The following ZBTB46 variants were observed in gnomAD, a reference collection of about 807,000 sequenced individuals.
ZBTB46 encodes the protein zinc finger and BTB domain containing 46, also known as zinc finger and BTB domain-containing protein 46.
In ZBTB46, 8 loss-of-function variants were observed where a neutral mutation model predicts 44.1. That is an observed-to-expected ratio of 0.18 (90% CI 0.11 to 0.33). ZBTB46 has a LOEUF of 0.33. ZBTB46 is among the 10% of genes least tolerant of loss of function. ZBTB46 has a pLI of 1.00. For missense variants in ZBTB46, 651 were observed against 847.7 expected (o/e 0.77, Z 2.88); for synonymous variants, 409 against 382.3 (o/e 1.07, Z -0.81).
At chr20:63,789,030 TG>T (rs922507314) in intron 2 of ZBTB46, among the ~76,000 whole-genome samples, 1 of 151,152 alleles carries the variant, frequency 6.6e-6, no homozygotes, top group African/African-American at 2.4e-5. Flanking sequence ...TTGGTCAGGC[TG>T]GTCTTGAACT....
In ZBTB46 at chr20:63,808,741, G is replaced by A. The variant is rs113238218; in HGVS notation, c.-33-17951C>T. ...TGTAATCCCAGCACTTTGGGAGGCC[G>A]AGGCGGGCGGATGGTGAGGTCAGGA... On this transcript the variant is annotated intron_variant, in intron 1 of 4. Coordinates refer to ENST00000245663, the MANE Select transcript of ZBTB46 (RefSeq NM_001369741.1). Among the ~76,000 whole-genome samples, 485 of 152,212 alleles carry A rather than the reference G, an allele frequency of 3.2e-3. 4 individuals carry two copies. Among genetic ancestry groups the A allele is most frequent in the African/African-American group, 0.011 (468 of 41,558 alleles).
In ZBTB46 at chr20:63,803,272, T is replaced by C; in HGVS notation, c.-33-12482A>G. The C allele has an allele frequency of 1.6e-5, 16 of 979,232 alleles. No homozygotes were observed. Among genetic ancestry groups the C allele is most frequent in the Non-Finnish European group, 1.9e-5 (16 of 824,338 alleles). 60.7% of individuals were successfully genotyped at this position (979,232 alleles called of 1,614,324 possible). A position where few individuals can be genotyped will look rare whatever the true frequency, so the allele number is the denominator to read the frequency against. On this transcript the variant is annotated intron_variant, in intron 1 of 4. Transcript: ENST00000245663. The surrounding 1 kb of genome is among the most constrained non-coding windows in gnomAD (Gnocchi z 4.0). Reference sequence around the variant, plus strand: ...CATGGTTTACCTTCTTCTGAAAAAATTAAGGTTAAGACATGAATACTGTGA... The same window carrying C: ...CATGGTTTACCTTCTTCTGAAAAAACTAAGGTTAAGACATGAATACTGTGA...
chr20:63,750,304 G>T (rs1230528004), intron 4 of ZBTB46, among the ~76,000 whole-genome samples: 2 of 152,152 alleles, frequency 1.3e-5, no homozygotes, highest in Admixed American at 1.3e-4. Context: ...GAGTGCAGTG[G>T]TGCAATCACA....
At chr20:63,800,256 G>A (rs2092633308) in intron 1 of ZBTB46, among the ~76,000 whole-genome samples, 1 of 152,236 alleles carries the variant, frequency 6.6e-6, no homozygotes, top group Non-Finnish European at 1.5e-5. Context: ...ACCAAGGAAA[G>A]CGTGTGATTC....
At chr20:63,753,244 T>C (rs1021959329) in intron 3 of ZBTB46, among the ~76,000 whole-genome samples, 1 of 152,174 alleles carries the variant, frequency 6.6e-6, no homozygotes. Flanking sequence ...TAGCAGGCCC[T>C]GGGCGTGGTG....
At chr20:63,759,253 G>T (rs570423063) in intron 3 of ZBTB46, among the ~76,000 whole-genome samples, 1 of 145,912 alleles carries the variant, frequency 6.9e-6, no homozygotes, top group East Asian at 1.9e-4. Flanking sequence ...ATTGAGTTTC[G>T]TACATTGGCT....
chr20:63,824,056 G>T (rs2092807349), intron 1 of ZBTB46, among the ~76,000 whole-genome samples: 1 of 152,288 alleles, frequency 6.6e-6, no homozygotes, highest in African/African-American at 2.4e-5. Context: ...CAGAGGCTCA[G>T]GGCAGGGTCG....
chr20:63,824,089 T>C (rs996601876), intron 1 of ZBTB46, among the ~76,000 whole-genome samples: 10 of 151,998 alleles, frequency 6.6e-5, no homozygotes, highest in Non-Finnish European at 1.3e-4. Context: ...CTCTGTTTCC[T>C]TGAATGGGTA....
At chr20:63,772,920 T>G (rs575177279) in intron 3 of ZBTB46, among the ~76,000 whole-genome samples, 1 of 152,236 alleles carries the variant, frequency 6.6e-6, no homozygotes, top group South Asian at 2.1e-4. Flanking sequence ...TCCCTCCACG[T>G]GCTCCGGGGC....
At chr20:63,791,233 TGCCTGTAATCCCA>T (rs2092558145) in intron 1 of ZBTB46, among the ~76,000 whole-genome samples, 1 of 152,084 alleles carries the variant, frequency 6.6e-6, no homozygotes, top group Admixed American at 6.6e-5. Flanking sequence ...CGGTGGCTCA[TGCCTGTAATCCCA>T]GCAATCTGGG....
At position 63,803,223 on chromosome 20, in the gene ZBTB46, C is replaced by A; in HGVS notation, c.-33-12433G>T. On this transcript the variant is annotated intron_variant, in intron 1 of 4. Coordinates refer to ENST00000245663, the MANE Select transcript of ZBTB46 (RefSeq NM_001369741.1). This position sits in a 1 kb window ranked among gnomAD's most constrained non-coding sequence, Gnocchi z 4.0. ...GGGCGCCTCACCAGCAGGAACCAGG[C>A]ACCTCCCCTCACACCAAGGCGTTCA... 5.9e-6 allele frequency: 5 copies of A among 848,174 alleles called. No homozygotes were observed. The highest frequency in any genetic ancestry group is 7.1e-6 in the Non-Finnish European group (5 of 704,938). 52.5% of individuals were successfully genotyped at this position (848,174 alleles called of 1,614,324 possible).
chr20:63,814,234 A>G (rs1601528258), intron 1 of ZBTB46, among the ~76,000 whole-genome samples: 1 of 104,998 alleles, frequency 9.5e-6, no homozygotes, highest in Non-Finnish European at 2.0e-5. Context: ...CTCCGTCTCA[A>G]AAAAAAAAAA....
At chr20:63,819,527 C>G (rs1254715844) in intron 1 of ZBTB46, among the ~76,000 whole-genome samples, 3 of 152,200 alleles carry the variant, frequency 2.0e-5, no homozygotes, top group South Asian at 4.1e-4. Flanking sequence ...CAGGGTCCCA[C>G]AGACGATGGG....
intron 3 of ZBTB46, among the ~76,000 whole-genome samples, chr20:63,758,347 C>T (rs947888516): frequency 6.6e-6 from 1 of 151,810 alleles, no homozygotes; most frequent in African/African-American, 2.4e-5. Flanking sequence ...CAATCCCAAA[C>T]CAGCTTACCC....
chr20:63,790,813 T>C (rs775854525), intron 1 of ZBTB46, 23 bp from the exon 2 acceptor site: 208 of 1,510,250 alleles, frequency 1.4e-4, no homozygotes, highest in Non-Finnish European at 1.8e-4. Flanking sequence ...GAACAAGAGT[T>C]ACCCAAGCTC....
rs1315458181 is a variant in ZBTB46, at chr20:63,745,663, G to C, written c.*1267C>G. The C allele has an allele frequency of 6.6e-6, 1 of 152,348 alleles. No homozygotes were observed. The highest frequency in any genetic ancestry group is 1.5e-5 in the Non-Finnish European group (1 of 68,068). 9.4% of individuals were successfully genotyped at this position (152,348 alleles called of 1,614,324 possible). A position where few individuals can be genotyped will look rare whatever the true frequency, so the allele number is the denominator to read the frequency against. ...GTGCCAGAGGAGGGGGTGAAGGATG[G>C]AATGTCCTCATGGTGAGTGCTGTCA... On this transcript the variant is annotated 3_prime_UTR_variant, in exon 5 of 5. Transcript: ENST00000245663.
chr20:63,796,833 TAAAATAAAATA>T (rs1400843854), intron 1 of ZBTB46, among the ~76,000 whole-genome samples: 17 of 151,716 alleles, frequency 1.1e-4, no homozygotes, highest in East Asian at 9.8e-4. Context: ...CTCAAAAAAA[TAAAATAAAATA>T]AAAATAAAAT....
At chr20:63,755,849 G>A (rs535284924) in intron 3 of ZBTB46, among the ~76,000 whole-genome samples, 1 of 152,294 alleles carries the variant, frequency 6.6e-6, no homozygotes, top group East Asian at 1.9e-4. Context: ...AAAGCATAAA[G>A]ATCATTACAC....
chr20:63,751,398 T>G (rs567586924), intron 4 of ZBTB46, among the ~76,000 whole-genome samples: 141 of 152,012 alleles, frequency 9.3e-4, no homozygotes, highest in Middle Eastern at 3.4e-3. Flanking sequence ...CCGCTCCATA[T>G]CCACTCCAGC....
Sources: gnomAD v4.1 joint callset for allele counts (sites outside exome capture counted in the v4.1 genomes callset) on GRCh38, gnomAD v4.1.1 for gene constraint, Gnocchi (gnomAD v3.1) non-coding constraint, MANE v1.5 for transcripts, NCBI Gene and HGNC (gene_info 2026-07-23, HGNC 2026-07-21) for gene names.